Variants in CAMTA1 observed in about 807,000 individuals in gnomAD.
CAMTA1 encodes calmodulin-binding transcription activator 1.
In CAMTA1, 27 loss-of-function variants were observed where a neutral mutation model predicts 170.9. The observed-to-expected ratio is 0.16, with a 90% CI of 0.12 to 0.22. The LOEUF (loss-of-function observed/expected upper bound fraction) is 0.22, where lower values mean the gene tolerates loss of function less well. Among genes scored for constraint, CAMTA1 ranks in the 10% least tolerant of loss-of-function variants. The pLI is 1.00. For missense variants in CAMTA1, 1,619 were observed against 2,217.2 expected, an observed-to-expected ratio of 0.73 and a Z score of 5.42; for synonymous variants, 833 against 891.5, an observed-to-expected ratio of 0.93 and a Z score of 1.17.
chr1:6,794,360 T>C (rs776705554), intron 1 of CAMTA1, among the ~76,000 whole-genome samples: 3 of 152,240 alleles, frequency 2.0e-5, no homozygotes, highest in Non-Finnish European at 2.9e-5. Context: ...TGATGTTCTT[T>C]CAAAGATATT....
chr1:7,077,957 G>GT (rs1362951262), intron 3 of CAMTA1, among the ~76,000 whole-genome samples: 1 of 152,012 alleles, frequency 6.6e-6, no homozygotes, highest in African/African-American at 2.4e-5. Flanking sequence ...AGCATTGTGG[G>GT]TGGGGTTATT....
At chr1:7,747,974 A>G (rs1422884510) in intron 19 of CAMTA1, among the ~76,000 whole-genome samples, 193 bp downstream of exon 19, 1 of 150,318 alleles carries the variant, frequency 6.7e-6, no homozygotes, top group Non-Finnish European at 1.5e-5. Flanking sequence ...GTGCAGTGGC[A>G]TGATCTGGGC....
At chr1:7,548,510 G>A (rs1348912457) in intron 6 of CAMTA1, among the ~76,000 whole-genome samples, 1 of 148,116 alleles carries the variant, frequency 6.8e-6, no homozygotes, top group South Asian at 2.2e-4. Context: ...GGGTGGAGGT[G>A]CTGGTGGAGG....
chr1:7,527,661 G>C (rs144178820), intron 6 of CAMTA1, among the ~76,000 whole-genome samples: 2 of 152,198 alleles, frequency 1.3e-5, no homozygotes, highest in African/African-American at 4.8e-5. Context: ...AATGCTCATC[G>C]GGCACAGCCC....
At chr1:7,669,558 G>C (rs1558095109) in intron 9 of CAMTA1, among the ~76,000 whole-genome samples, 1 of 152,232 alleles carries the variant, frequency 6.6e-6, no homozygotes, top group African/African-American at 2.4e-5. Flanking sequence ...TCTCTGGCCT[G>C]GAGCAGTGGG....
intron 3 of CAMTA1, among the ~76,000 whole-genome samples, chr1:6,926,436 T>TTCTCTCTC (rs749607908): frequency 9.2e-5 from 10 of 109,216 alleles, no homozygotes; most frequent in African/African-American, 3.6e-4. Context: ...TTTCTTTCTT[T>TTCTCTCTC]TCTCTTTCTT....
intron 5 of CAMTA1, among the ~76,000 whole-genome samples, chr1:7,310,672 CT>C (rs1557491276): frequency 4.6e-4 from 11 of 23,696 alleles, no homozygotes; most frequent in African/African-American, 2.5e-3. Context: ...TCTTTCTTTC[CT>C]TTCTTTCTCT....
intron 6 of CAMTA1, among the ~76,000 whole-genome samples, chr1:7,497,028 G>A (rs1268897986): frequency 6.6e-6 from 1 of 151,466 alleles, no homozygotes; most frequent in East Asian, 2.0e-4. Flanking sequence ...CCTAGGGCTC[G>A]AGAAAAATAG....
chr1:7,581,165 G>T (rs2095257668), intron 6 of CAMTA1, among the ~76,000 whole-genome samples: 1 of 152,126 alleles, frequency 6.6e-6, no homozygotes. Flanking sequence ...GGTATCTCTT[G>T]GAATCATCCC....
At chr1:7,194,613 C>T (rs901270355) in intron 4 of CAMTA1, among the ~76,000 whole-genome samples, 1 of 152,188 alleles carries the variant, frequency 6.6e-6, no homozygotes. Context: ...TTACATCCTG[C>T]TGTTTTACAG....
chr1:7,310,108 G>C (rs1359920253), intron 5 of CAMTA1, among the ~76,000 whole-genome samples: 1 of 152,088 alleles, frequency 6.6e-6, no homozygotes, highest in African/African-American at 2.4e-5. Flanking sequence ...AGAATTACTT[G>C]TCTGCTGGCA....
intron 3 of CAMTA1, among the ~76,000 whole-genome samples, chr1:6,828,079 C>CA (rs1647842964): frequency 6.6e-6 from 1 of 152,218 alleles, no homozygotes; most frequent in East Asian, 1.9e-4. Flanking sequence ...TATGAAATGT[C>CA]AACTGTCATC....
chr1:7,056,413 C>CTGAG (rs1173444094), intron 3 of CAMTA1, among the ~76,000 whole-genome samples: 1 of 152,222 alleles, frequency 6.6e-6, no homozygotes, highest in Non-Finnish European at 1.5e-5. Flanking sequence ...ACCCATCAGG[C>CTGAG]TGAGGCCTTG....
intron 11 of CAMTA1, among the ~76,000 whole-genome samples, chr1:7,692,744 C>T (rs2096331569): frequency 6.6e-6 from 1 of 152,160 alleles, no homozygotes; most frequent in African/African-American, 2.4e-5. Flanking sequence ...CAAACTGGGT[C>T]ATAAACTATA....
At chr1:7,034,703 T>G (rs1049239934) in intron 3 of CAMTA1, among the ~76,000 whole-genome samples, 1 of 152,198 alleles carries the variant, frequency 6.6e-6, no homozygotes, top group African/African-American at 2.4e-5. Context: ...GTTTGGAAAC[T>G]CTATAGCAAG....
At chr1:7,762,605 A>G (rs1279461062) in intron 22 of CAMTA1, among the ~76,000 whole-genome samples, 1 of 152,200 alleles carries the variant, frequency 6.6e-6, no homozygotes, top group Admixed American at 6.5e-5. Context: ...AACTTCATTT[A>G]TGATTTCACT....
At chr1:7,215,915 C>T (rs994559859) in intron 4 of CAMTA1, among the ~76,000 whole-genome samples, 3 of 152,068 alleles carry the variant, frequency 2.0e-5, no homozygotes, top group Admixed American at 2.0e-4. Context: ...AGTAGATTCC[C>T]CATCTACTAA....
intron 6 of CAMTA1, among the ~76,000 whole-genome samples, chr1:7,618,975 C>T (rs2150748750): frequency 6.6e-6 from 1 of 152,142 alleles, no homozygotes; most frequent in Admixed American, 6.5e-5. Flanking sequence ...GGGATTTATT[C>T]ACATTTGACC....
At chr1:7,185,715 A>G (rs1163677857) in intron 4 of CAMTA1, among the ~76,000 whole-genome samples, 1 of 152,228 alleles carries the variant, frequency 6.6e-6, no homozygotes, top group Non-Finnish European at 1.5e-5. Flanking sequence ...GAAGGACCTG[A>G]CATCGTTTCT....
Sources: allele counts gnomAD v4.1 joint callset (sites outside exome capture counted in the v4.1 genomes callset), GRCh38; gene constraint gnomAD v4.1.1; transcripts MANE v1.5; gene names NCBI Gene and HGNC (gene_info 2026-07-23, HGNC 2026-07-21).